PCDHGB6: variants seen among roughly 807,000 people sequenced by gnomAD.
The protein encoded by PCDHGB6 is protocadherin gamma-B6.
PCDHGB6 carries 51 observed loss-of-function variants against 59.1 expected under a neutral mutation model. That is an observed-to-expected ratio of 0.86 (90% CI 0.69 to 1.09). The LOEUF (loss-of-function observed/expected upper bound fraction) is 1.09, where lower values mean the gene tolerates loss of function less well. Ranked by LOEUF, PCDHGB6 falls within the 50% of genes least tolerant of loss-of-function variation. The pLI, the probability that PCDHGB6 is intolerant of heterozygous loss-of-function variation, is 0.00. For synonymous variants in PCDHGB6, 466 were observed against 495.1 expected (o/e 0.94, Z 0.78); for missense variants, 1,148 against 1,205.1 (o/e 0.95, Z 0.70).
rs747671382 is a variant in PCDHGB6 at position 141,444,152 on chromosome 5, A to ATTTTTT, written c.2418+33563_2418+33568dup. ...GATATGTGTCACTTGTGTGTACTGG[A>ATTTTTT]TTTTTTTTTTTTTTTTTTTTTTTTT... On this transcript the variant is annotated intron_variant, in intron 1 of 3. Coordinates refer to ENST00000520790, the MANE Select transcript of PCDHGB6 (RefSeq NM_018926.3). Among the ~76,000 whole-genome samples the ATTTTTT allele has an allele frequency of 3.5e-4, 12 of 33,898 alleles. 1 individual carries two copies. Among genetic ancestry groups the ATTTTTT allele is most frequent in the African/African-American group, 4.2e-4 (3 of 7,184 alleles). The allele number at this position is 33,898 out of a possible 152,430, so 22.2% of individuals were successfully genotyped here.
chr5:141,467,693 G>A lies in PCDHGB6; in HGVS notation c.2419-27114G>A, dbSNP rs543886467. Among the ~76,000 whole-genome samples the A allele has an allele frequency of 2.0e-4, 30 of 152,110 alleles. No individual in the cohort carries two copies. In the South Asian group the frequency reaches 5.6e-3, roughly 28 times the overall value. On this transcript the variant is annotated intron_variant, in intron 1 of 3. Transcript: ENST00000520790. ...TTTTATTTTTTTTAGACAGGGTCTGGCTCTGTTGCCCAGGCTGGAGTGTAG... is the reference window on the plus strand; with the variant it reads ...TTTTATTTTTTTTAGACAGGGTCTGACTCTGTTGCCCAGGCTGGAGTGTAG...
intron 2 of PCDHGB6, 37 bp downstream of exon 2, chr5:141,494,902 C>T (rs2099757367): frequency 1.9e-6 from 3 of 1,614,024 alleles, no homozygotes; most frequent in Non-Finnish European, 2.5e-6. Flanking sequence ...CTCTTCTCTG[C>T]GGCATTTTCT....
At chr5:141,415,982 T>G in intron 1 of PCDHGB6, 1 of 342,492 alleles carries the variant, frequency 2.9e-6, no homozygotes, top group Non-Finnish European at 4.9e-6. Flanking sequence ...AGCAACCCTC[T>G]TGTTCTGAAG....
rs61612330 is a variant in PCDHGB6 at position 141,454,796 on chromosome 5, A to ATTTTTTTTT, written c.2419-39990_2419-39982dup. Among the ~76,000 whole-genome samples the ATTTTTTTTT allele has an allele frequency of 8.2e-3, 638 of 77,468 alleles. 91 individuals carry two copies. The highest frequency in any genetic ancestry group is 0.025 in the African/African-American group (426 of 16,886). 50.8% of individuals were successfully genotyped at this position (77,468 alleles called of 152,430 possible). On this transcript the variant is annotated intron_variant, in intron 1 of 3. Coordinates refer to ENST00000520790, the MANE Select transcript of PCDHGB6 (RefSeq NM_018926.3). ...AAGGAAATAATCCTCCATGGTTCTA[A>ATTTTTTTTT]TTTTTTTTTTTTTTTTTTTTTTTTT...
intron 1 of PCDHGB6, chr5:141,419,774 C>T (rs2096431329): frequency 6.2e-7 from 1 of 1,613,902 alleles, no homozygotes; most frequent in Admixed American, 1.7e-5. Flanking sequence ...GGACTCGGTC[C>T]GCCAGCGCCT....
At chr5:141,464,223 CCACTGCA>C (rs916210777) in intron 1 of PCDHGB6, among the ~76,000 whole-genome samples, 4 of 150,824 alleles carry the variant, frequency 2.7e-5, no homozygotes, top group Non-Finnish European at 4.4e-5. Flanking sequence ...TGAGATTGCG[CCACTGCA>C]CTCCAGCCTG....
At chr5:141,466,325 C>T (rs1252026939) in intron 1 of PCDHGB6, among the ~76,000 whole-genome samples, 3 of 152,108 alleles carry the variant, frequency 2.0e-5, no homozygotes, top group African/African-American at 7.2e-5. Context: ...CACATGCTAC[C>T]ATGCCTGGAT....
chr5:141,485,566 C>G lies in PCDHGB6; in HGVS notation c.2419-9241C>G, dbSNP rs768144422. On this transcript the variant is annotated intron_variant, in intron 1 of 3. Transcript: ENST00000520790. This position sits in a 1 kb window ranked among gnomAD's most constrained non-coding sequence, Gnocchi z 5.7. ...TCGTAGATGTGAATGATCACGCCCC[C>G]CGTTTTCCGCGGCAGCAGCTGGACT... 2.5e-6 allele frequency: 4 copies of G among 1,612,808 alleles called. No homozygotes were observed. Among genetic ancestry groups the G allele is most frequent in the South Asian group, 2.2e-5 (2 of 91,028 alleles).
chr5:141,466,020 G>A (rs973577698), intron 1 of PCDHGB6, among the ~76,000 whole-genome samples: 2 of 151,974 alleles, frequency 1.3e-5, no homozygotes, highest in South Asian at 4.1e-4. Context: ...TACTCGGGAG[G>A]GTGAGGCAGG....
intron 1 of PCDHGB6, among the ~76,000 whole-genome samples, chr5:141,445,554 C>T (rs898901856): frequency 3.3e-5 from 5 of 152,102 alleles, no homozygotes; most frequent in African/African-American, 1.2e-4. Context: ...TACAAAAGCA[C>T]TAAGAGAAAG....
At chr5:141,482,602 C>T (rs2099569087) in intron 1 of PCDHGB6, among the ~76,000 whole-genome samples, 1 of 142,506 alleles carries the variant, frequency 7.0e-6, no homozygotes, top group Non-Finnish European at 1.5e-5. Flanking sequence ...CGGGAAAAAA[C>T]ACCTAAATGA....
rs775292594 is a variant in PCDHGB6 at position 141,410,112 on chromosome 5, C to T, written c.1910C>T (p.Ala637Val). The T allele has an allele frequency of 1.9e-6, 3 of 1,612,566 alleles. No homozygotes were observed. The highest frequency in any genetic ancestry group is 4.5e-5 in the East Asian group (2 of 44,872). The change falls in exon 1 of 4, where the codon GCA (alanine) becomes GTA (valine). Residue 637 changes from alanine to valine, a missense_variant. Physicochemically the swap from Ala to Val is moderately conservative, Grantham distance 64. Coordinates refer to ENST00000520790, the MANE Select transcript of PCDHGB6 (RefSeq NM_018926.3). ...GCTCGAGCCTTAGGCGACAGGGACG[C>T]AGCCCGCCAGCGCCTGCTGGTCGCT... ...RTARALGDRD[A>V]ARQRLLVAVR...
rs537755017 is a variant in PCDHGB6 at position 141,491,797 on chromosome 5, G to A, written c.2419-3010G>A. 16 of 1,506,818 alleles carry A rather than the reference G, an allele frequency of 1.1e-5. No individual in the cohort carries two copies. In the Admixed American group the frequency reaches 2.2e-4, roughly 20 times the overall value. The allele number at this position is 1,506,818 out of a possible 1,614,324, so 93.3% of individuals were successfully genotyped here. A position where few individuals can be genotyped will look rare whatever the true frequency, so the allele number is the denominator to read the frequency against. ...ATTGAACTTGCATCCACTCCTCTCC[G>A]GCCGGCTTGGTCGCTGGCTGCGCTC... On this transcript the variant is annotated intron_variant, in intron 1 of 3. Transcript: ENST00000520790. The surrounding 1 kb of genome is among the most constrained non-coding windows in gnomAD (Gnocchi z 6.9).
chr5:141,438,682 A>G (rs1282726848), intron 1 of PCDHGB6, among the ~76,000 whole-genome samples: 13 of 140,730 alleles, frequency 9.2e-5, no homozygotes, highest in Admixed American at 6.6e-4. Flanking sequence ...GGAGTAGGGG[A>G]TGGAGTCTTG....
At chr5:141,411,215 A>C (rs1202378654) in intron 1 of PCDHGB6, 1 of 152,270 alleles carries the variant, frequency 6.6e-6, no homozygotes, top group Non-Finnish European at 1.5e-5. Context: ...TAACCTATCT[A>C]TTCAAATTTG....
At chr5:141,427,683 G>A (rs761750638) in intron 1 of PCDHGB6, 3 of 836,052 alleles carry the variant, frequency 3.6e-6, no homozygotes, top group South Asian at 2.8e-5. Flanking sequence ...CCTTCCCGGA[G>A]CCTCCATCCC....
Position 141,432,923 on chromosome 5 carries a change from T to C in PCDHGB6, c.2418+22303T>C. ...GCTCAGGCTGCGGCGCTGGCACAAG[T>C]CACGCCTGCTGCAGGCTTCAGGAGG... On this transcript the variant is annotated intron_variant, in intron 1 of 3. Coordinates refer to ENST00000520790, the MANE Select transcript of PCDHGB6 (RefSeq NM_018926.3). This position sits in a 1 kb window ranked among gnomAD's most constrained non-coding sequence, Gnocchi z 6.0. The C allele has an allele frequency of 6.2e-7, 1 of 1,614,186 alleles. No homozygotes were observed. Among genetic ancestry groups the C allele is most frequent in the Non-Finnish European group, 8.5e-7 (1 of 1,180,034 alleles).
At chr5:141,430,638 G>A in intron 1 of PCDHGB6, 1 of 898,338 alleles carries the variant, frequency 1.1e-6, no homozygotes, top group Non-Finnish European at 1.6e-6. Flanking sequence ...CCATCCCTGG[G>A]AGTATGTGGA....
chr5:141,492,386 G>C (rs1343104703), intron 1 of PCDHGB6, among the ~76,000 whole-genome samples: 1 of 152,202 alleles, frequency 6.6e-6, no homozygotes, highest in African/African-American at 2.4e-5. Context: ...GCCTGTTCCG[G>C]TCCACTCGCA....
Sources: allele counts gnomAD v4.1 joint callset (sites outside exome capture counted in the v4.1 genomes callset), GRCh38; gene constraint gnomAD v4.1.1; non-coding constraint Gnocchi (gnomAD v3.1); transcripts MANE v1.5; gene names NCBI Gene and HGNC (gene_info 2026-07-23, HGNC 2026-07-21).